The following TSNARE1 variants were observed in gnomAD, a reference collection of about 807,000 sequenced individuals.
TSNARE1 encodes t-SNARE domain containing 1.
A neutral mutation model predicts 62.0 loss-of-function variants in TSNARE1; 49 were observed. The observed-to-expected ratio is 0.79, with a 90% confidence interval of 0.63 to 1.00. TSNARE1 has a LOEUF of 1.00. Among genes scored for constraint, TSNARE1 ranks in the 50% least tolerant of loss-of-function variants. TSNARE1 has a pLI of 0.00. For missense variants in TSNARE1, 755 were observed against 700.1 expected (o/e 1.08, Z -0.88); for synonymous variants, 328 against 294.4 (o/e 1.11, Z -1.17).
At chr8:142,235,810 G>C (rs573790146) in intron 12 of TSNARE1, among the ~76,000 whole-genome samples, 190 of 152,322 alleles carry the variant, frequency 1.2e-3, no homozygotes, top group African/African-American at 4.0e-3. Flanking sequence ...GGCCCTGAGC[G>C]TTTCCTCTGT....
intron 12 of TSNARE1, among the ~76,000 whole-genome samples, chr8:142,258,477 CTTTTTT>C (rs56675860): frequency 9.3e-6 from 1 of 107,260 alleles, no homozygotes; most frequent in Non-Finnish European, 1.8e-5. Context: ...AGAACTTGTG[CTTTTTT>C]TTTTTTTTTT....
At chr8:142,249,569 G>T (rs1306281165) in intron 12 of TSNARE1, among the ~76,000 whole-genome samples, 1 of 152,240 alleles carries the variant, frequency 6.6e-6, no homozygotes, top group Non-Finnish European at 1.5e-5. Context: ...GGAGGCAGCG[G>T]TTTCAAGCAC....
intron 12 of TSNARE1, among the ~76,000 whole-genome samples, chr8:142,269,273 G>C (rs369886682): frequency 1.3e-5 from 2 of 152,304 alleles, no homozygotes. Context: ...CAGGATCAAT[G>C]CTCCATGTGT....
At chr8:142,221,263 A>G (rs6583605) in intron 13 of TSNARE1, among the ~76,000 whole-genome samples, 136,330 of 152,228 alleles carry the variant, frequency 0.9, 61,123 homozygotes, top group Non-Finnish European at 0.92. Flanking sequence ...TGGAGGAACC[A>G]CAGTTGTCCC....
intron 12 of TSNARE1, chr8:142,271,747 G>C: frequency 7.9e-7 from 1 of 1,269,038 alleles, no homozygotes; most frequent in Non-Finnish European, 1.0e-6. Flanking sequence ...CAGTGATCTG[G>C]AGGGTGAGCA....
intron 9 of TSNARE1, among the ~76,000 whole-genome samples, chr8:142,308,834 G>C (rs1827123791): frequency 6.6e-6 from 1 of 152,056 alleles, no homozygotes; most frequent in African/African-American, 2.4e-5. Flanking sequence ...GGATTGTATT[G>C]AGCCTACAGA....
intron 13 of TSNARE1, among the ~76,000 whole-genome samples, chr8:142,221,403 A>G (rs1816204475): frequency 1.3e-5 from 2 of 152,244 alleles, no homozygotes; most frequent in African/African-American, 2.4e-5. Flanking sequence ...ATGGAAATCA[A>G]TGGCTTTGAG....
chr8:142,260,935 G>T (rs1346107287), intron 12 of TSNARE1, among the ~76,000 whole-genome samples: 1 of 36,448 alleles, frequency 2.7e-5, no homozygotes, highest in Non-Finnish European at 5.8e-5. Flanking sequence ...AGGGGAAGCA[G>T]CAAGGCAGGA....
intron 12 of TSNARE1, among the ~76,000 whole-genome samples, chr8:142,260,986 A>G: frequency 4.1e-4 from 1 of 2,428 alleles, no homozygotes; most frequent in African/African-American, 1.2e-3. Flanking sequence ...GGGAGGGAGG[A>G]GAGAGGGAGG....
At chr8:142,280,027 C>G in intron 11 of TSNARE1, 1 of 1,223,312 alleles carries the variant, frequency 8.2e-7, no homozygotes, top group Non-Finnish European at 1.0e-6. Context: ...CTTGAGGTCC[C>G]CCAGGTCGCG....
chr8:142,257,392 G>A (rs1489159019), intron 12 of TSNARE1, among the ~76,000 whole-genome samples: 11 of 152,156 alleles, frequency 7.2e-5, no homozygotes, highest in Non-Finnish European at 2.9e-5. Context: ...AGCTGGCCGT[G>A]GACAGCCAGA....
chr8:142,310,888 C>T (rs1827469952), intron 9 of TSNARE1, among the ~76,000 whole-genome samples: 1 of 152,088 alleles, frequency 6.6e-6, no homozygotes, highest in African/African-American at 2.4e-5. Flanking sequence ...TTTGCTCCGT[C>T]CCCCAGGCTG....
At chr8:142,310,228 A>G (rs999104755) in intron 9 of TSNARE1, among the ~76,000 whole-genome samples, 3 of 152,188 alleles carry the variant, frequency 2.0e-5, no homozygotes, top group Admixed American at 6.5e-5. Flanking sequence ...GTAATTGCAT[A>G]TATTACTACA....
Position 142,212,292 on chromosome 8 carries a change from G to C in TSNARE1, c.*33C>G, listed in dbSNP as rs367994464. 2 of 152,304 alleles carry C rather than the reference G, an allele frequency of 1.3e-5. No homozygotes were observed. Among genetic ancestry groups the C allele is most frequent in the South Asian group, 4.1e-4 (2 of 4,832 alleles). 9.4% of individuals were successfully genotyped at this position (152,304 alleles called of 1,614,324 possible). A position where few individuals can be genotyped will look rare whatever the true frequency, so the allele number is the denominator to read the frequency against. On this transcript the variant is annotated 3_prime_UTR_variant, in exon 14 of 14. Transcript: ENST00000524325. ...GGCTGGAGAGCCCACACCACAGCCA[G>C]CTGACGGTTCAGCGGCCGATGCTGC...
chr8:142,232,719 G>A (rs767597716), intron 12 of TSNARE1, among the ~76,000 whole-genome samples: 5 of 152,210 alleles, frequency 3.3e-5, no homozygotes, highest in Non-Finnish European at 5.9e-5. Flanking sequence ...TCTGGACACC[G>A]ACTTCAAGGG....
chr8:142,248,766 CGG>C (rs1317414551), intron 12 of TSNARE1, among the ~76,000 whole-genome samples: 2 of 152,180 alleles, frequency 1.3e-5, no homozygotes, highest in Non-Finnish European at 2.9e-5. Context: ...GCCTGGCCCA[CGG>C]GGGCTCCACG....
At chr8:142,279,065 G>A (rs999498334) in intron 11 of TSNARE1, among the ~76,000 whole-genome samples, 1 of 152,248 alleles carries the variant, frequency 6.6e-6, no homozygotes, top group Non-Finnish European at 1.5e-5. Context: ...TGTACGCTGG[G>A]GCTCTGGGGC....
intron 12 of TSNARE1, among the ~76,000 whole-genome samples, chr8:142,239,522 C>T (rs1016991950): frequency 1.3e-5 from 2 of 152,186 alleles, no homozygotes; most frequent in Non-Finnish European, 2.9e-5. Flanking sequence ...GAAACAAATA[C>T]AAGATTGAAA....
intron 12 of TSNARE1, among the ~76,000 whole-genome samples, chr8:142,263,484 A>T (rs1286628985): frequency 6.6e-6 from 1 of 152,204 alleles, no homozygotes; most frequent in Non-Finnish European, 1.5e-5. Flanking sequence ...GACTGGCCTC[A>T]AACATCCCCT....
Sources: gnomAD v4.1 joint callset for allele counts (sites outside exome capture counted in the v4.1 genomes callset) on GRCh38, gnomAD v4.1.1 for gene constraint, MANE v1.5 for transcripts, NCBI Gene and HGNC (gene_info 2026-07-23, HGNC 2026-07-21) for gene names.